Variants in ODAD3 observed in about 807,000 individuals in gnomAD.
ODAD3 encodes the protein outer dynein arm docking complex subunit 3.
A neutral mutation model predicts 70.9 loss-of-function variants in ODAD3; 57 were observed. The observed-to-expected ratio is 0.80, with a 90% CI of 0.65 to 1.00. The LOEUF (loss-of-function observed/expected upper bound fraction) is 1.00, where lower values mean the gene tolerates loss of function less well. Among genes scored for constraint, ODAD3 ranks in the 50% least tolerant of loss-of-function variants. The pLI, the probability that ODAD3 is intolerant of heterozygous loss-of-function variation, is 0.00. For synonymous variants in ODAD3, 327 were observed against 315.9 expected (o/e 1.04, Z -0.37); for missense variants, 797 against 763.9 (o/e 1.04, Z -0.51).
chr19:11,421,827 G>A lies in ODAD3; in HGVS notation c.1440C>T (p.Asp480=), dbSNP rs773024256. The A allele has an allele frequency of 1.9e-5, 31 of 1,612,106 alleles. No homozygotes were observed. The Middle Eastern group carries it at 8.3e-4, about 43-fold the overall frequency. The change falls in exon 11 of 13, where the codon GAC becomes GAT. Residue 480 remains aspartate (D), a synonymous_variant. Transcript: ENST00000356392. ...ASKLIHITVE[D]GRFAGKELDP... ...CCAGCTCCTTTCCCGCGAAGCGGCC[G>A]TCCTCCTGCGGCCAGGGTAGAGCCG... is the stretch of plus-strand genomic sequence containing the variant.
At chr19:11,424,549 A>G (rs952087779) in intron 7 of ODAD3, among the ~76,000 whole-genome samples, 1 of 129,344 alleles carries the variant, frequency 7.7e-6, no homozygotes, top group Non-Finnish European at 1.7e-5. Context: ...GTGTATATAT[A>G]CCTATGTGTA....
intron 3 of ODAD3, 106 bp from the exon 4 acceptor site, chr19:11,427,146 C>G (rs1288192006): frequency 7.7e-7 from 1 of 1,290,572 alleles, no homozygotes; most frequent in Non-Finnish European, 1.0e-6. Context: ...CAGGACTCCC[C>G]TCTCCCGTTT....
intron 10 of ODAD3, 85 bp from the exon 11 acceptor site, chr19:11,421,917 G>A: frequency 1.3e-6 from 2 of 1,489,016 alleles, no homozygotes; most frequent in East Asian, 2.3e-5. Flanking sequence ...TTCTTTCGGG[G>A]GCGGGGCCTA....
chr19:11,424,494 CAT>C (rs951847683), intron 7 of ODAD3, among the ~76,000 whole-genome samples: 82 of 145,030 alleles, frequency 5.7e-4, no homozygotes, highest in African/African-American at 1.5e-3. Flanking sequence ...AAAAAAAATC[CAT>C]ATATATATGT....
At chr19:11,425,174 T>C (rs953017026) in intron 7 of ODAD3, among the ~76,000 whole-genome samples, 6 of 141,382 alleles carry the variant, frequency 4.2e-5, no homozygotes, top group South Asian at 2.2e-4. Flanking sequence ...TGTGTATATG[T>C]ACATATGTGT....
chr19:11,422,348 G>A lies in ODAD3; in HGVS notation c.1434+123C>T, dbSNP rs959055899. The A allele has an allele frequency of 8.1e-6, 10 of 1,236,914 alleles. No individual in the cohort carries two copies. Among genetic ancestry groups the A allele is most frequent in the Admixed American group, 2.9e-5 (1 of 34,260 alleles). 76.6% of individuals were successfully genotyped at this position (1,236,914 alleles called of 1,614,324 possible). On this transcript the variant is annotated intron_variant, in intron 10 of 12. Coordinates refer to ENST00000356392, the MANE Select transcript of ODAD3 (RefSeq NM_145045.5). The surrounding 1 kb of genome is among the most constrained non-coding windows in gnomAD (Gnocchi z 4.6). ...CCTGTGGGCGGGGCCTCTGACGTCC[G>A]GGACAGAGGATGTGGCAGGCCACGT... is the stretch of plus-strand genomic sequence containing the variant.
chr19:11,433,993 G>C (rs1291627684), intron 1 of ODAD3, among the ~76,000 whole-genome samples: 2 of 152,000 alleles, frequency 1.3e-5, no homozygotes, highest in African/African-American at 4.8e-5. Context: ...CAAGGCCGTG[G>C]ATCACTTGAG....
chr19:11,427,106 C>T, intron 3 of ODAD3, 66 bp from the exon 4 acceptor site: 2 of 1,444,352 alleles, frequency 1.4e-6, no homozygotes, highest in Non-Finnish European at 1.8e-6. Context: ...CCTAGCCCTT[C>T]CTCCCTTCCT....
At chr19:11,423,837 G>C (rs1471843296) in intron 8 of ODAD3, 40 bp downstream of exon 8, 1 of 1,347,524 alleles carries the variant, frequency 7.4e-7, no homozygotes, top group South Asian at 1.2e-5. Context: ...GTCTGGGGTG[G>C]GGGGGGGGCG....
intron 1 of ODAD3, among the ~76,000 whole-genome samples, chr19:11,433,760 C>G (rs1441947061): frequency 6.6e-6 from 1 of 152,046 alleles, no homozygotes; most frequent in Non-Finnish European, 1.5e-5. Flanking sequence ...GACCCCATCT[C>G]TACAAAAAGT....
intron 1 of ODAD3, 149 bp downstream of exon 1, chr19:11,434,624 A>G (rs1969610733): frequency 4.3e-6 from 4 of 939,508 alleles, no homozygotes; most frequent in Non-Finnish European, 6.4e-6. Context: ...GTTTTAAGAG[A>G]CAGAGAAGGA....
chr19:11,425,147 A>G (rs571880908), intron 7 of ODAD3, among the ~76,000 whole-genome samples: 1 of 129,620 alleles, frequency 7.7e-6, no homozygotes, highest in Non-Finnish European at 1.6e-5. Flanking sequence ...GTATATGTAC[A>G]TATGTATATA....
chr19:11,421,796 G>C lies in ODAD3; in HGVS notation c.1471C>G (p.Gln491Glu). 2 of 1,613,260 alleles carry C rather than the reference G, an allele frequency of 1.2e-6. No individual in the cohort carries two copies. Among genetic ancestry groups the C allele is most frequent in the Non-Finnish European group, 1.7e-6 (2 of 1,179,948 alleles). Residue 491 changes from glutamine to glutamate, a missense_variant, in exon 11 of 13, where the codon CAG becomes GAG. Physicochemically the swap from Gln to Glu is conservative, Grantham distance 29. Coordinates refer to ENST00000356392, the MANE Select transcript of ODAD3 (RefSeq NM_145045.5). ...AGGTTTGGCACATAGTTATCTGCCT[G>C]GGGATCCAGCTCCTTTCCCGCGAAG... The part of the protein sequence containing the change: ...GRFAGKELDP[Q>E]ADNYVPNLLG...
Position 11,426,955 on chromosome 19 carries a change from C to T in ODAD3, c.530G>A (p.Arg177Gln). The T allele has an allele frequency of 6.2e-7, 1 of 1,608,660 alleles. No individual in the cohort carries two copies. Among genetic ancestry groups the T allele is most frequent in the Non-Finnish European group, 8.5e-7 (1 of 1,179,544 alleles). Reference sequence around the variant, plus strand: ...GTGCTGCAGCTGGAGCTCCTCCAGCCGCCTCTGCCGCAACACCACCTGGTG... The same window carrying T: ...GTGCTGCAGCTGGAGCTCCTCCAGCTGCCTCTGCCGCAACACCACCTGGTG... Reference protein sequence around the residue: ...LRHQVVLRQRRLEELQLQHSL... With the variant: ...LRHQVVLRQRQLEELQLQHSL... The change falls in exon 4 of 13, where the codon CGG becomes CAG. Residue 177 changes from arginine to glutamine, a missense_variant. Transcript: ENST00000356392.
chr19:11,425,395 G>A (rs999655914), intron 7 of ODAD3, among the ~76,000 whole-genome samples: 20 of 130,386 alleles, frequency 1.5e-4, no homozygotes, highest in Non-Finnish European at 2.6e-4. Context: ...GTACATATGT[G>A]TATATGTATA....
intron 1 of ODAD3, among the ~76,000 whole-genome samples, chr19:11,433,857 G>A (rs1969561472): frequency 6.6e-6 from 1 of 152,226 alleles, no homozygotes; most frequent in African/African-American, 2.4e-5. Context: ...AGCCTAGGAG[G>A]TCAAGTCTGC....
At position 11,422,647 on chromosome 19, in the gene ODAD3, C is replaced by A; in HGVS notation, c.1278-20G>T. On this transcript the variant is annotated intron_variant, in intron 9 of 12. Transcript: ENST00000356392. The surrounding 1 kb of genome is among the most constrained non-coding windows in gnomAD (Gnocchi z 4.6). ...TGCTGGCTGCAGGGAGCCGGGAGGT[C>A]ACCCCGGGGGCTCAGCCCGCCCCGC... 1 of 1,604,530 alleles carries A rather than the reference C, an allele frequency of 6.2e-7. No homozygotes were observed. The highest frequency in any genetic ancestry group is 1.7e-5 in the Admixed American group (1 of 59,562).
Position 11,422,630 on chromosome 19 carries a change from G to T in ODAD3, c.1278-3C>A, listed in dbSNP as rs1296835703. On this transcript the variant is annotated splice_polypyrimidine_tract_variant and splice_region_variant and intron_variant, in intron 9 of 12. Transcript: ENST00000356392. This position sits in a 1 kb window ranked among gnomAD's most constrained non-coding sequence, Gnocchi z 4.6. ...CCTCGGCTTGCAGTTTCTGCTGGCT[G>T]CAGGGAGCCGGGAGGTCACCCCGGG... is the stretch of plus-strand genomic sequence containing the variant. 1 of 1,601,680 alleles carries T rather than the reference G, an allele frequency of 6.2e-7. No individual in the cohort carries two copies. The highest frequency in any genetic ancestry group is 8.5e-7 in the Non-Finnish European group (1 of 1,175,988).
intron 1 of ODAD3, among the ~76,000 whole-genome samples, chr19:11,433,410 A>C (rs534432508): frequency 6.6e-6 from 1 of 152,262 alleles, no homozygotes; most frequent in Non-Finnish European, 1.5e-5. Context: ...GGGGCAAACC[A>C]ACCCTTTTCC....
Sources: allele counts gnomAD v4.1 joint callset (sites outside exome capture counted in the v4.1 genomes callset), GRCh38; gene constraint gnomAD v4.1.1; non-coding constraint Gnocchi (gnomAD v3.1); transcripts MANE v1.5; gene names NCBI Gene and HGNC (gene_info 2026-07-23, HGNC 2026-07-21).